CCDC85A: variants seen among roughly 807,000 people sequenced by gnomAD.
CCDC85A encodes coiled-coil domain-containing protein 85A.
Under a neutral mutation model 50.2 loss-of-function variants are expected in CCDC85A, and 38 were observed. The observed-to-expected ratio is 0.76, with a 90% CI of 0.58 to 0.99. The LOEUF (loss-of-function observed/expected upper bound fraction) is 0.99, where lower values mean the gene tolerates loss of function less well. CCDC85A is among the 50% of genes least tolerant of loss of function. CCDC85A has a pLI of 0.00. For synonymous variants in CCDC85A, 366 were observed against 301.4 expected, an observed-to-expected ratio of 1.21 and a Z score of -2.22; for missense variants, 820 against 742.0, an observed-to-expected ratio of 1.11 and a Z score of -1.22.
intron 2 of CCDC85A, among the ~76,000 whole-genome samples, chr2:56,334,759 G>T (rs893587939): frequency 1.1e-4 from 16 of 152,168 alleles, no homozygotes; most frequent in African/African-American, 3.9e-4. Flanking sequence ...GAAGAATAGG[G>T]AGTATTTGAC....
rs183846107 is a variant in CCDC85A at position 56,228,794 on chromosome 2, A to G, written c.1240+35354A>G. 1.8e-3 allele frequency among the ~76,000 whole-genome samples: 279 copies of G among 152,196 alleles called. 1 individual carries two copies. Among genetic ancestry groups the G allele is most frequent in the Middle Eastern group, 0.01 (3 of 294 alleles). On this transcript the variant is annotated intron_variant, in intron 2 of 5. Transcript: ENST00000407595. Reference sequence around the variant, plus strand: ...GTGATCCGCCCGCCTCGGCCTCCCAAAGTGCTGGGATTACAGGCATGAGTC... The same window carrying G: ...GTGATCCGCCCGCCTCGGCCTCCCAGAGTGCTGGGATTACAGGCATGAGTC...
intron 2 of CCDC85A, among the ~76,000 whole-genome samples, chr2:56,329,856 A>G (rs1365558315): frequency 6.6e-6 from 1 of 151,246 alleles, no homozygotes; most frequent in Non-Finnish European, 1.5e-5. Context: ...GCATTTAAAT[A>G]TGCATAAAAA....
At chr2:56,309,122 A>C (rs937102624) in intron 2 of CCDC85A, among the ~76,000 whole-genome samples, 1 of 152,218 alleles carries the variant, frequency 6.6e-6, no homozygotes, top group African/African-American at 2.4e-5. Flanking sequence ...GAACATGGGC[A>C]TTATTTCTAT....
In CCDC85A at chr2:56,384,552, T is replaced by C. The variant is rs1483693474; in HGVS notation, c.*197T>C. ...TGATATTCTGTGTCTCTCACCTCAA[T>C]GTCCACAACAGTCAATCTCAAACAA... On this transcript the variant is annotated 3_prime_UTR_variant, in exon 6 of 6. Coordinates refer to ENST00000407595, the MANE Select transcript of CCDC85A (RefSeq NM_001080433.2). 1 of 518,066 alleles carries C rather than the reference T, an allele frequency of 1.9e-6. No individual in the cohort carries two copies. The highest frequency in any genetic ancestry group is 1.9e-5 in the African/African-American group (1 of 52,546). 32.1% of individuals were successfully genotyped at this position (518,066 alleles called of 1,614,324 possible).
chr2:56,352,353 T>C (rs754999278), intron 3 of CCDC85A, among the ~76,000 whole-genome samples: 2 of 152,148 alleles, frequency 1.3e-5, no homozygotes, highest in Non-Finnish European at 2.9e-5. Context: ...ATTTGAGTCT[T>C]TCTTTTTCTT....
At chr2:56,205,003 G>C (rs1676904276) in intron 2 of CCDC85A, among the ~76,000 whole-genome samples, 1 of 152,138 alleles carries the variant, frequency 6.6e-6, no homozygotes, top group Admixed American at 6.5e-5. Context: ...TGCTTGGTCA[G>C]GTCTCAGATG....
At chr2:56,189,879 G>C (rs1459718171) in intron 1 of CCDC85A, among the ~76,000 whole-genome samples, 2 of 152,146 alleles carry the variant, frequency 1.3e-5, no homozygotes, top group African/African-American at 4.8e-5. Context: ...ACAAAGGCAG[G>C]GAGGCTGCCT....
intron 2 of CCDC85A, among the ~76,000 whole-genome samples, chr2:56,317,853 A>G (rs1331237854): frequency 2.0e-5 from 3 of 152,048 alleles, no homozygotes; most frequent in Non-Finnish European, 4.4e-5. Context: ...AGGAGCCTTT[A>G]TGTATGAAGT....
At chr2:56,224,524 A>G (rs1269612823) in intron 2 of CCDC85A, among the ~76,000 whole-genome samples, 1 of 152,146 alleles carries the variant, frequency 6.6e-6, no homozygotes, top group Non-Finnish European at 1.5e-5. Context: ...CATTTTGAGA[A>G]CCTGCCAGTT....
chr2:56,384,141 A>T, intron 5 of CCDC85A, 125 bp from the exon 6 acceptor site: 2 of 773,008 alleles, frequency 2.6e-6, no homozygotes, highest in Non-Finnish European at 2.1e-6. Flanking sequence ...GAACTCATTC[A>T]TGTGGATATT....
chr2:56,246,568 A>T (rs1178386088), intron 2 of CCDC85A, among the ~76,000 whole-genome samples: 2 of 152,164 alleles, frequency 1.3e-5, no homozygotes, highest in Non-Finnish European at 2.9e-5. Context: ...TAGAGTTCCA[A>T]CTTGATTCTT....
intron 2 of CCDC85A, among the ~76,000 whole-genome samples, chr2:56,237,213 C>T (rs1669058234): frequency 6.6e-6 from 1 of 152,168 alleles, no homozygotes; most frequent in Non-Finnish European, 1.5e-5. Flanking sequence ...AGCTCATTCA[C>T]TTCCACCAAA....
chr2:56,366,766 C>T (rs6714635), intron 3 of CCDC85A, among the ~76,000 whole-genome samples: 73,671 of 151,920 alleles, frequency 0.48, 19,269 homozygotes, highest in East Asian at 0.77. Context: ...AAAACAGGCC[C>T]TCAAGAAGTC....
Position 56,192,357 on chromosome 2 carries a change from A to G in CCDC85A, c.277-120A>G, listed in dbSNP as rs1209360940. On this transcript the variant is annotated intron_variant, in intron 1 of 5. Transcript: ENST00000407595. The surrounding 1 kb of genome is among the most constrained non-coding windows in gnomAD (Gnocchi z 4.7). The stretch of plus-strand genomic sequence containing the variant: ...ATCTTCAGCTTCCTCCTACTCCCTC[A>G]CCTCCTCCCCTAACCTCACAGGTAA... 32 of 1,417,460 alleles carry G rather than the reference A, an allele frequency of 2.3e-5. No individual in the cohort carries two copies. Among genetic ancestry groups the G allele is most frequent in the Non-Finnish European group, 2.8e-5 (29 of 1,053,956 alleles). The allele number at this position is 1,417,460 out of a possible 1,614,324, so 87.8% of individuals were successfully genotyped here.
rs543091889 is a variant in CCDC85A, at chr2:56,270,927, C to G, written c.1241-71952C>G. 3.3e-5 allele frequency among the ~76,000 whole-genome samples: 5 copies of G among 152,214 alleles called. No homozygotes were observed. In the East Asian group the frequency reaches 9.6e-4, roughly 29 times the overall value. On this transcript the variant is annotated intron_variant, in intron 2 of 5. Transcript: ENST00000407595. The stretch of plus-strand genomic sequence containing the variant: ...ACATAATCAAGTGCCTTTTCTGTTT[C>G]ATGCATTGTGTTAGTTACTAGTTGC...
intron 2 of CCDC85A, among the ~76,000 whole-genome samples, chr2:56,287,686 G>A (rs1303623829): frequency 6.6e-6 from 1 of 152,200 alleles, no homozygotes; most frequent in African/African-American, 2.4e-5. Context: ...CAGAGACAGT[G>A]TTTACAGGCC....
intron 2 of CCDC85A, among the ~76,000 whole-genome samples, chr2:56,264,852 A>T (rs917569231): frequency 2.0e-5 from 3 of 152,054 alleles, no homozygotes; most frequent in African/African-American, 4.8e-5. Context: ...TCTCTTCTTT[A>T]GTCACACGAA....
intron 2 of CCDC85A, among the ~76,000 whole-genome samples, chr2:56,194,180 A>G (rs925705797): frequency 6.6e-6 from 1 of 152,190 alleles, no homozygotes; most frequent in Admixed American, 6.5e-5. Flanking sequence ...GTTTGAAAGT[A>G]CCTTTTTAAA....
intron 2 of CCDC85A, among the ~76,000 whole-genome samples, chr2:56,254,391 A>G (rs1669894665): frequency 6.6e-6 from 1 of 152,152 alleles, no homozygotes; most frequent in African/African-American, 2.4e-5. Context: ...CCCATCCTGA[A>G]ACAATTAAAT....
Sources: allele counts gnomAD v4.1 joint callset (sites outside exome capture counted in the v4.1 genomes callset), GRCh38; gene constraint gnomAD v4.1.1; non-coding constraint Gnocchi (gnomAD v3.1); transcripts MANE v1.5; gene names NCBI Gene and HGNC (gene_info 2026-07-23, HGNC 2026-07-21).